Variants in LEMD1 observed in about 807,000 individuals in gnomAD.
The protein encoded by LEMD1 is LEM domain containing 1, also known as LEM domain-containing protein 1.
In LEMD1, 18 loss-of-function variants were observed where a neutral mutation model predicts 17.4. The ratio of observed to expected loss-of-function variants is 1.04; its 90% CI spans 0.72 to 1.54. The LOEUF (loss-of-function observed/expected upper bound fraction) is 1.54, where lower values mean the gene tolerates loss of function less well. Ranked by LOEUF, LEMD1 falls within the 40% of genes most tolerant of loss-of-function variation. LEMD1 has a pLI of 0.00. For synonymous variants in LEMD1, 88 were observed against 77.8 expected, an observed-to-expected ratio of 1.13 and a Z score of -0.69; for missense variants, 195 against 210.4, an observed-to-expected ratio of 0.93 and a Z score of 0.45.
At chr1:205,424,634 T>C (rs1272706922), upstream of LEMD1, among the ~76,000 whole-genome samples, 1 of 152,144 alleles carries the variant, frequency 6.6e-6, no homozygotes, top group African/African-American at 2.4e-5. Context: ...ACCATAAGCA[T>C]CCAAAGGTAC....
intron 1 of LEMD1, among the ~76,000 whole-genome samples, chr1:205,429,143 G>A (rs1666094392): frequency 6.6e-6 from 1 of 152,238 alleles, no homozygotes; most frequent in Non-Finnish European, 1.5e-5. Context: ...ACCCTCCACA[G>A]GTGGCCCCAA....
chr1:205,440,442 A>G (rs995694694), intron 1 of LEMD1, among the ~76,000 whole-genome samples: 1 of 152,136 alleles, frequency 6.6e-6, no homozygotes, highest in Non-Finnish European at 1.5e-5. Flanking sequence ...GAATCCCAGG[A>G]GAGTCTCACA....
At chr1:205,390,356 A>C (rs969526014) in intron 4 of LEMD1, among the ~76,000 whole-genome samples, 1 of 135,644 alleles carries the variant, frequency 7.4e-6, no homozygotes, top group Non-Finnish European at 1.6e-5. Context: ...CTCTCTCTCT[A>C]AAAAAAAAAA....
intron 4 of LEMD1, among the ~76,000 whole-genome samples, chr1:205,389,456 A>G (rs1318507852): frequency 1.3e-5 from 2 of 152,220 alleles, no homozygotes; most frequent in East Asian, 3.8e-4. Context: ...TTTACCGTGT[A>G]GGCTTGAAGT....
chr1:205,433,430 C>T (rs4950999), intron 1 of LEMD1, among the ~76,000 whole-genome samples: 142,369 of 152,104 alleles, frequency 0.94, 67,287 homozygotes, highest in East Asian at 1. Context: ...GCACTCCAGC[C>T]TGGGCAACAG....
chr1:205,386,829 T>C (rs1350007857), intron 4 of LEMD1: 1 of 152,224 alleles, frequency 6.6e-6, no homozygotes, highest in African/African-American at 2.4e-5. Context: ...CTATGTGGGT[T>C]AGTGTTGGCA....
At chr1:205,439,677 C>G (rs368681978) in intron 1 of LEMD1, among the ~76,000 whole-genome samples, 53 of 152,164 alleles carry the variant, frequency 3.5e-4, no homozygotes, top group African/African-American at 8.9e-4. Flanking sequence ...CCCTGGGGAG[C>G]TAGAGGGGGT....
chr1:205,381,820 A>G lies in LEMD1; in HGVS notation c.384T>C (p.Tyr128=). The stretch of plus-strand genomic sequence containing the variant: ...AGTCTCTCTCTTTGGTGATAGTCCC[A>G]TATGTGATTCTGGTGCTTGGTGCTC... The part of the protein sequence containing the change: ...AARAPSTRIT[Y]GTITKERDYC... Residue 128 remains tyrosine, a synonymous_variant, in exon 6 of 6, where the codon TAT becomes TAC. Transcript: ENST00000367153. 6.2e-7 allele frequency: 1 copy of G among 1,614,080 alleles called. No individual in the cohort carries two copies. The highest frequency in any genetic ancestry group is 8.5e-7 in the Non-Finnish European group (1 of 1,180,018).
chr1:205,403,132 T>C (rs1038949365), intron 4 of LEMD1, among the ~76,000 whole-genome samples: 80 of 152,292 alleles, frequency 5.3e-4, no homozygotes, highest in African/African-American at 1.8e-3. Context: ...TTTGCATCAA[T>C]GTTCATCAAG....
At position 205,438,349 on chromosome 1, in the gene LEMD1, G is replaced by A. The variant is rs149311275; in HGVS notation, c.-39+11519C>T. ...CCCCACCTCAAGGTGGAGTCTCTGG[G>A]AGAGAACCATGGAGAGAGGATGGGA... On this transcript the variant is annotated intron_variant, in intron 1 of 3. Coordinates refer to the LEMD1 transcript ENST00000367154. 1.5e-3 allele frequency among the ~76,000 whole-genome samples: 226 copies of A among 152,338 alleles called. 8 individuals carry two copies. In the East Asian group the frequency reaches 0.042, roughly 28 times the overall value.
chr1:205,420,135 T>C (rs1376317608), intron 2 of LEMD1, among the ~76,000 whole-genome samples: 2 of 152,136 alleles, frequency 1.3e-5, no homozygotes, highest in Non-Finnish European at 2.9e-5. Flanking sequence ...CTGGCCAACA[T>C]GGTGAAACCC....
chr1:205,390,776 G>GTA (rs1438169356), intron 4 of LEMD1, among the ~76,000 whole-genome samples: 4 of 152,142 alleles, frequency 2.6e-5, no homozygotes, highest in African/African-American at 9.7e-5. Context: ...GCTAACAAAA[G>GTA]ATGAGCATAT....
intron 4 of LEMD1, among the ~76,000 whole-genome samples, chr1:205,385,065 A>T (rs992516136): frequency 2.2e-4 from 33 of 152,096 alleles, no homozygotes; most frequent in African/African-American, 7.5e-4. Flanking sequence ...ACGTGCTTGG[A>T]CTACTACACT....
At chr1:205,449,584 G>A (rs904925540) in intron 1 of LEMD1, among the ~76,000 whole-genome samples, 2 of 152,008 alleles carry the variant, frequency 1.3e-5, no homozygotes, top group Non-Finnish European at 2.9e-5. Flanking sequence ...GCACAGCACA[G>A]CACAGCACAC....
chr1:205,402,442 G>A (rs1177858895), intron 4 of LEMD1, among the ~76,000 whole-genome samples: 1 of 152,078 alleles, frequency 6.6e-6, no homozygotes, highest in Non-Finnish European at 1.5e-5. Context: ...TGGATTCCTA[G>A]GTATTTTATT....
chr1:205,441,525 C>T lies in LEMD1; in HGVS notation c.-39+8343G>A, dbSNP rs959168664. 2.6e-5 allele frequency among the ~76,000 whole-genome samples: 4 copies of T among 152,322 alleles called. No homozygotes were observed. The highest frequency in any genetic ancestry group is 6.5e-5 in the Admixed American group (1 of 15,310). The stretch of plus-strand genomic sequence containing the variant: ...CGACAGGCCCTCCTCCATCCAAATG[C>T]GGACCCCTTCATCCAGTGTAGCTTT... On this transcript the variant is annotated intron_variant, in intron 1 of 3. Coordinates refer to the LEMD1 transcript ENST00000367154. The surrounding 1 kb of genome is among the most constrained non-coding windows in gnomAD (Gnocchi z 4.3).
At chr1:205,436,206 G>C (rs994166382) in intron 1 of LEMD1, 1 of 152,144 alleles carries the variant, frequency 6.6e-6, no homozygotes, top group African/African-American at 2.4e-5. Context: ...AGCAGCCCAC[G>C]AGGAAAACCC....
intron 1 of LEMD1, 21 bp from the exon 2 acceptor site, chr1:205,420,595 A>C (rs1230846809): frequency 7.8e-7 from 1 of 1,282,612 alleles, no homozygotes; most frequent in African/African-American, 1.5e-5. Flanking sequence ...CAAAACATTA[A>C]ATTCATTAAG....
chr1:205,429,813 G>T (rs1302555661), intron 1 of LEMD1, among the ~76,000 whole-genome samples: 1 of 152,028 alleles, frequency 6.6e-6, no homozygotes, highest in Non-Finnish European at 1.5e-5. Context: ...AGGCATTTGG[G>T]GTCATTGTCT....
Sources: allele counts gnomAD v4.1 joint callset (sites outside exome capture counted in the v4.1 genomes callset), GRCh38; gene constraint gnomAD v4.1.1; non-coding constraint Gnocchi (gnomAD v3.1); transcripts MANE v1.5; gene names NCBI Gene and HGNC (gene_info 2026-07-23, HGNC 2026-07-21).